Variants in CC2D2B observed in about 807,000 individuals in gnomAD.
CC2D2B encodes the protein coiled-coil and C2 domain containing 2B, also known as protein CC2D2B.
CC2D2B carries 128 observed loss-of-function variants against 161.2 expected under a neutral mutation model. The observed-to-expected ratio is 0.79, with a 90% CI of 0.69 to 0.92. The LOEUF is 0.92. Ranked by LOEUF, CC2D2B falls within the 40% of genes least tolerant of loss-of-function variation. CC2D2B has a pLI of 0.00. For synonymous variants in CC2D2B, 391 were observed against 449.8 expected (o/e 0.87, Z 1.65); for missense variants, 1,173 against 1,375.1 (o/e 0.85, Z 2.32).
intron 11 of CC2D2B, among the ~76,000 whole-genome samples, chr10:95,960,116 GTTTTC>G (rs1173050395): frequency 1.3e-5 from 2 of 152,194 alleles, no homozygotes; most frequent in Non-Finnish European, 2.9e-5. Flanking sequence ...CACTTAAGCA[GTTTTC>G]TTAAGTAAGT....
Position 96,031,910 on chromosome 10 carries a change from C to T in CC2D2B, c.4216C>T (p.Pro1406Ser). 1.9e-6 allele frequency: 3 copies of T among 1,613,502 alleles called. No individual in the cohort carries two copies. Among genetic ancestry groups the T allele is most frequent in the Non-Finnish European group, 2.5e-6 (3 of 1,179,508 alleles). ...YQTGIHSAEF[P>S]QTEFALAVYI... ...AACTGGAATTCACTCTGCTGAATTT[C>T]CCCAGACAGAATTTGCTTTAGCTGT... is the stretch of plus-strand genomic sequence containing the variant. Residue 1406 changes from proline (P) to serine (S), a missense_variant, in exon 35 of 35, where the codon CCC (proline) becomes TCC (serine). Physicochemically the swap from Pro to Ser is moderately conservative, Grantham distance 74. Coordinates refer to ENST00000646931, the MANE Select transcript of CC2D2B (RefSeq NM_001349008.3).
intron 6 of CC2D2B, among the ~76,000 whole-genome samples, chr10:95,936,403 C>A (rs2075822819): frequency 1.3e-5 from 2 of 152,150 alleles, no homozygotes; most frequent in Admixed American, 1.3e-4. Flanking sequence ...CTCATCTGGG[C>A]AACCCAGAGT....
chr10:95,994,392 A>AGAACTTCAAAGAG (rs1439031763), intron 22 of CC2D2B, among the ~76,000 whole-genome samples: 3 of 152,196 alleles, frequency 2.0e-5, no homozygotes, highest in Admixed American at 2.0e-4. Context: ...CTATCTTCTA[A>AGAACTTCAAAGAG]GAACTTCAAA....
chr10:95,915,939 C>T lies in CC2D2B; in HGVS notation c.36+4580C>T, dbSNP rs183656528. Reference sequence around the variant, plus strand: ...TGTAGAATGACTTTGGAAGTATTCCCTTGTCCTCTATTTTTTGGAACAGTT... The same window carrying T: ...TGTAGAATGACTTTGGAAGTATTCCTTTGTCCTCTATTTTTTGGAACAGTT... On this transcript the variant is annotated intron_variant, in intron 2 of 34. Transcript: ENST00000646931. Among the ~76,000 whole-genome samples, 808 of 152,170 alleles carry T rather than the reference C, an allele frequency of 5.3e-3. 7 individuals are homozygous for T. Among genetic ancestry groups the T allele is most frequent in the African/African-American group, 0.018 (764 of 41,514 alleles).
intron 20 of CC2D2B, among the ~76,000 whole-genome samples, chr10:95,988,738 C>T (rs961023381): frequency 1.3e-5 from 2 of 152,124 alleles, no homozygotes; most frequent in Non-Finnish European, 2.9e-5. Flanking sequence ...GGCACACAGA[C>T]AGTATTAGAA....
chr10:95,977,048 C>T (rs1167279665), intron 17 of CC2D2B, among the ~76,000 whole-genome samples: 1 of 152,178 alleles, frequency 6.6e-6, no homozygotes, highest in Admixed American at 6.5e-5. Flanking sequence ...CCGCACCCAG[C>T]CCAGCTTTAG....
At chr10:95,986,175 AT>A (rs2077711447) in intron 19 of CC2D2B, among the ~76,000 whole-genome samples, 1 of 150,946 alleles carries the variant, frequency 6.6e-6, no homozygotes, top group African/African-American at 2.4e-5. Context: ...AAAATCACTA[AT>A]AAAAACTTGC....
At chr10:95,910,015 C>T (rs965201598) in intron 1 of CC2D2B, among the ~76,000 whole-genome samples, 2 of 152,184 alleles carry the variant, frequency 1.3e-5, no homozygotes, top group Non-Finnish European at 2.9e-5. Context: ...ATTAGCCGAG[C>T]CTTAGAGACA....
At chr10:96,003,217 G>A (rs1219151637) in intron 24 of CC2D2B, among the ~76,000 whole-genome samples, 1 of 151,908 alleles carries the variant, frequency 6.6e-6, no homozygotes, top group Non-Finnish European at 1.5e-5. Flanking sequence ...ACTGTTAAAT[G>A]TTTGATGGAG....
intron 34 of CC2D2B, among the ~76,000 whole-genome samples, chr10:96,029,325 A>G (rs1250423707): frequency 3.1e-5 from 4 of 130,014 alleles, no homozygotes; most frequent in African/African-American, 1.0e-4. Flanking sequence ...TATATGTACT[A>G]TGTGCCCACA....
In CC2D2B at chr10:96,024,255, G is replaced by GTA. The variant is rs576445278; in HGVS notation, c.3889-597_3889-596insAT. ...ATTCTGTGTATGTGCATGTGTGTGT[G>GTA]TGTGTGTGTGTGTGTATGCATGCAC... On this transcript the variant is annotated intron_variant, in intron 32 of 34. Coordinates refer to ENST00000646931, the MANE Select transcript of CC2D2B (RefSeq NM_001349008.3). 2.9e-3 allele frequency among the ~76,000 whole-genome samples: 442 copies of GTA among 152,156 alleles called. 9 individuals are homozygous for GTA. The highest frequency in any genetic ancestry group is 6.3e-4 in the Non-Finnish European group (43 of 67,988).
rs1378376322 is a variant in CC2D2B, at chr10:95,911,260, TTATGA to T, written c.-23-36_-23-32del. ...CCTCAAGTATCACAAGTCAGTTTTC[TTATGA>T]TATGTCATTCTCAATAATATTTCTT... On this transcript the variant is annotated intron_variant, in intron 1 of 34. Coordinates refer to ENST00000646931, the MANE Select transcript of CC2D2B (RefSeq NM_001349008.3). 2.6e-5 allele frequency: 6 copies of T among 227,392 alleles called. No individual in the cohort carries two copies. The South Asian group carries it at 6.3e-4, about 24-fold the overall frequency. 14.1% of individuals were successfully genotyped at this position (227,392 alleles called of 1,614,324 possible).
intron 11 of CC2D2B, among the ~76,000 whole-genome samples, chr10:95,959,543 G>A (rs1408023525): frequency 6.6e-6 from 1 of 152,068 alleles, no homozygotes; most frequent in Non-Finnish European, 1.5e-5. Context: ...ATTAAAACCT[G>A]GCAACTGTAT....
At chr10:95,934,437 G>A (rs1198947970) in intron 6 of CC2D2B, among the ~76,000 whole-genome samples, 4 of 143,898 alleles carry the variant, frequency 2.8e-5, no homozygotes, top group East Asian at 2.1e-4. Flanking sequence ...ACTGGGGTAT[G>A]AAAAAAAAAA....
chr10:96,019,383 C>T, intron 31 of CC2D2B, 46 bp downstream of exon 31: 2 of 1,532,762 alleles, frequency 1.3e-6, no homozygotes, highest in East Asian at 2.3e-5. Context: ...CCTCTAGAGT[C>T]ACCCTGGCTA....
intron 22 of CC2D2B, among the ~76,000 whole-genome samples, chr10:95,993,944 ATGTATGTG>A (rs1378402856): frequency 0.019 from 434 of 22,930 alleles, 1 homozygote; most frequent in Non-Finnish European, 0.024. Context: ...GTGTGTGTGT[ATGTATGTG>A]TATATATATA....
Position 95,961,885 on chromosome 10 carries a change from G to T in CC2D2B, c.1166G>T (p.Ser389Ile). ...ERGKDLSLLH[S>I]ILRTWKQIKS... ...GGAAAGGACCTCTCCCTACTACACA[G>T]TATATTACGAACTTGGAAACAGATT... The change falls in exon 12 of 35, where the codon AGT becomes ATT. Residue 389 changes from serine (S) to isoleucine (I), a missense_variant. Around this residue, in one of 3 missense-constraint regions of CC2D2B, gnomAD observed 298 missense variants for 261.2 expected, o/e 1.14. Coordinates refer to ENST00000646931, the MANE Select transcript of CC2D2B (RefSeq NM_001349008.3). The T allele has an allele frequency of 8.1e-7, 1 of 1,231,310 alleles. No homozygotes were observed. The highest frequency in any genetic ancestry group is 1.0e-6 in the Non-Finnish European group (1 of 987,314). The allele number at this position is 1,231,310 out of a possible 1,614,324, so 76.3% of individuals were successfully genotyped here.
intron 24 of CC2D2B, among the ~76,000 whole-genome samples, chr10:96,001,267 AAT>A (rs1197426634): frequency 6.6e-6 from 1 of 152,196 alleles, no homozygotes; most frequent in Non-Finnish European, 1.5e-5. Context: ...TTTTTCAAAT[AAT>A]ATGTTTCTTT....
chr10:95,952,937 T>G (rs2076452582), intron 10 of CC2D2B, among the ~76,000 whole-genome samples: 1 of 152,136 alleles, frequency 6.6e-6, no homozygotes, highest in Non-Finnish European at 1.5e-5. Context: ...AGTTTGAATT[T>G]TATTAGAAAG....
Sources: allele counts gnomAD v4.1 joint callset (sites outside exome capture counted in the v4.1 genomes callset), GRCh38; gene constraint gnomAD v4.1.1; regional missense constraint gnomAD v4.1.1; transcripts MANE v1.5; gene names NCBI Gene and HGNC (gene_info 2026-07-23, HGNC 2026-07-21).